Variants in FLRT1 observed in about 807,000 individuals in gnomAD.
FLRT1 encodes the protein fibronectin leucine rich transmembrane protein 1.
FLRT1 carries 14 observed loss-of-function variants against 30.9 expected under a neutral mutation model. The ratio of observed to expected loss-of-function variants is 0.45; its 90% CI spans 0.30 to 0.71. The LOEUF is 0.71. Among genes scored for constraint, FLRT1 ranks in the 30% least tolerant of loss-of-function variants. The pLI, the probability that FLRT1 is intolerant of heterozygous loss-of-function variation, is 0.08. For missense variants in FLRT1, 737 were observed against 949.2 expected (o/e 0.78, Z 2.94); for synonymous variants, 368 against 430.4 (o/e 0.85, Z 1.80).
At chr11:64,085,684 C>T (rs1340371812) in intron 1 of FLRT1, among the ~76,000 whole-genome samples, 4 of 152,274 alleles carry the variant, frequency 2.6e-5, no homozygotes, top group East Asian at 3.9e-4. Context: ...GGACGGTCAC[C>T]CACAGACAGG....
At chr11:64,115,726 C>T (rs2134613149) in intron 2 of FLRT1, among the ~76,000 whole-genome samples, 2 of 152,312 alleles carry the variant, frequency 1.3e-5, no homozygotes, top group Admixed American at 6.5e-5. Context: ...ATCCTGGGTC[C>T]GAGCCAGACA....
intron 1 of FLRT1, among the ~76,000 whole-genome samples, chr11:64,098,854 G>A (rs1263278744): frequency 2.6e-5 from 4 of 152,196 alleles, no homozygotes; most frequent in Non-Finnish European, 4.4e-5. Context: ...GCCCACCTGG[G>A]TTTCTAGCAG....
rs1943378593 is a variant in FLRT1, at chr11:64,036,267, G to A, written c.-1038+108G>A. The A allele has an allele frequency of 6.6e-6, 1 of 152,392 alleles. No individual in the cohort carries two copies. The highest frequency in any genetic ancestry group is 2.4e-5 in the African/African-American group (1 of 41,568). 9.4% of individuals were successfully genotyped at this position (152,392 alleles called of 1,614,324 possible). A position where few individuals can be genotyped will look rare whatever the true frequency, so the allele number is the denominator to read the frequency against. On this transcript the variant is annotated intron_variant, in intron 1 of 2. Transcript: ENST00000682287. This position sits in a 1 kb window ranked among gnomAD's most constrained non-coding sequence, Gnocchi z 5.6. ...CCCGGGGGCACCGAAGCGCCACGGG[G>A]TCAGGCAGCCTGGCTTTGCCCCAGA... is the stretch of plus-strand genomic sequence containing the variant.
intron 2 of FLRT1, among the ~76,000 whole-genome samples, chr11:64,104,554 G>A (rs931572864): frequency 1.3e-5 from 2 of 152,128 alleles, no homozygotes; most frequent in Non-Finnish European, 2.9e-5. Flanking sequence ...AGGCCTTGGC[G>A]GGGTGGTGGG....
At chr11:64,100,651 A>G (rs1026503808) in intron 1 of FLRT1, among the ~76,000 whole-genome samples, 1 of 152,154 alleles carries the variant, frequency 6.6e-6, no homozygotes, top group African/African-American at 2.4e-5. Flanking sequence ...GTGGCTACTA[A>G]TGATCATCAT....
rs756479687 is a variant in FLRT1 at position 64,064,873 on chromosome 11, CATTT to C, written c.-1038+28715_-1038+28718del. ...TCATTCATTCATTCATTCATTCATT[CATTT>C]GATGAGTGCTTCCAGAGCCCACCTA... On this transcript the variant is annotated intron_variant, in intron 1 of 2. Transcript: ENST00000682287. The surrounding 1 kb of genome is among the most constrained non-coding windows in gnomAD (Gnocchi z 4.5). Among the ~76,000 whole-genome samples, 2,048 of 144,802 alleles carry C rather than the reference CATTT, an allele frequency of 0.014. 47 individuals carry two copies. Among genetic ancestry groups the C allele is most frequent in the African/African-American group, 0.051 (1,925 of 37,486 alleles). 95.0% of individuals were successfully genotyped at this position (144,802 alleles called of 152,430 possible).
At chr11:64,108,731 G>A (rs1944808095) in intron 2 of FLRT1, among the ~76,000 whole-genome samples, 1 of 152,200 alleles carries the variant, frequency 6.6e-6, no homozygotes, top group Admixed American at 6.5e-5. Flanking sequence ...GTGAGGAATT[G>A]AAGGCATGGC....
At chr11:64,091,322 G>A (rs943115924) in intron 1 of FLRT1, among the ~76,000 whole-genome samples, 2 of 151,992 alleles carry the variant, frequency 1.3e-5, no homozygotes, top group East Asian at 1.9e-4. Context: ...ATTTCATCAC[G>A]TTTCATTTTC....
intron 1 of FLRT1, among the ~76,000 whole-genome samples, chr11:64,042,960 C>G (rs772953559): frequency 3.9e-5 from 6 of 152,244 alleles, no homozygotes; most frequent in Non-Finnish European, 7.3e-5. Context: ...GAGACACGCC[C>G]TGTCCAGTGC....
intron 1 of FLRT1, among the ~76,000 whole-genome samples, chr11:64,041,607 G>A (rs529870045): frequency 6.6e-6 from 1 of 152,014 alleles, no homozygotes; most frequent in Non-Finnish European, 1.5e-5. Flanking sequence ...GGAAAAAGGG[G>A]TGCAGCCAGG....
At chr11:64,054,925 C>G (rs541118978) in intron 1 of FLRT1, among the ~76,000 whole-genome samples, 16 of 152,290 alleles carry the variant, frequency 1.1e-4, no homozygotes, top group Admixed American at 5.2e-4. Context: ...CCCTCTTTCT[C>G]CCCTGCTCTT....
rs536887110 is a variant in FLRT1, at chr11:64,098,275, G to A, written c.-1037-4919G>A. 8.1e-4 allele frequency among the ~76,000 whole-genome samples: 124 copies of A among 152,228 alleles called. 1 individual carries two copies. Among genetic ancestry groups the A allele is most frequent in the African/African-American group, 2.7e-3 (113 of 41,536 alleles). On this transcript the variant is annotated intron_variant, in intron 1 of 2. Transcript: ENST00000682287. ...AGAGCGCCCCTAAGGCCAGGCTCCG[G>A]GCCCTGCTTCAGCTCGGATCACGGC... is the stretch of plus-strand genomic sequence containing the variant.
rs1945036571 is a variant in FLRT1 at position 64,118,391 on chromosome 11, A to G, written c.*99A>G. 7.3e-7 allele frequency: 1 copy of G among 1,372,766 alleles called. No homozygotes were observed. Among genetic ancestry groups the G allele is most frequent in the African/African-American group, 1.4e-5 (1 of 69,460 alleles). 85.0% of individuals were successfully genotyped at this position (1,372,766 alleles called of 1,614,324 possible). ...TGCAATCCAAGAGAGCAAGGAAGAG[A>G]AATTCCATGGGTGACTTTCCTCCGC... is the stretch of plus-strand genomic sequence containing the variant. On this transcript the variant is annotated 3_prime_UTR_variant, in exon 3 of 3. Transcript: ENST00000682287.
At chr11:64,114,498 T>G (rs1372467552) in intron 2 of FLRT1, among the ~76,000 whole-genome samples, 1 of 149,644 alleles carries the variant, frequency 6.7e-6, no homozygotes. Context: ...AATGGATGGA[T>G]GGATGGATGA....
At chr11:64,078,678 G>A (rs1348300349) in intron 1 of FLRT1, among the ~76,000 whole-genome samples, 1 of 152,174 alleles carries the variant, frequency 6.6e-6, no homozygotes, top group African/African-American at 2.4e-5. Context: ...TCTTCACCGA[G>A]CTTTGAGGTG....
chr11:64,065,436 A>C (rs1221795317), intron 1 of FLRT1, among the ~76,000 whole-genome samples: 3 of 152,124 alleles, frequency 2.0e-5, no homozygotes, highest in Non-Finnish European at 4.4e-5. Context: ...CAGAACATTT[A>C]CTGAGGCTCC....
chr11:64,105,518 C>T (rs1455642723), intron 2 of FLRT1, among the ~76,000 whole-genome samples: 1 of 152,212 alleles, frequency 6.6e-6, no homozygotes, highest in Admixed American at 6.5e-5. Flanking sequence ...CCTGTCCCCT[C>T]CACACAGGCT....
chr11:64,082,528 G>A lies in FLRT1; in HGVS notation c.-1037-20666G>A, dbSNP rs78054537. The stretch of plus-strand genomic sequence containing the variant: ...GTGAAACAAGGCTCGGTGCCTAACG[G>A]TGGTGGCCGTGGGAGTCAGAGCTCC... On this transcript the variant is annotated intron_variant, in intron 1 of 2. Coordinates refer to ENST00000682287, the MANE Select transcript of FLRT1 (RefSeq NM_013280.5). The surrounding 1 kb of genome is among the most constrained non-coding windows in gnomAD (Gnocchi z 4.5). Among the ~76,000 whole-genome samples the A allele has an allele frequency of 1.3e-3, 196 of 152,228 alleles. 3 individuals carry two copies. The East Asian group carries it at 0.028, about 22-fold the overall frequency.
intron 1 of FLRT1, among the ~76,000 whole-genome samples, chr11:64,073,963 G>C (rs1320277899): frequency 6.6e-6 from 1 of 152,120 alleles, no homozygotes; most frequent in Non-Finnish European, 1.5e-5. Flanking sequence ...TGAGCCCCCA[G>C]GGTGCTTTGG....
Sources: gnomAD v4.1 joint callset for allele counts (sites outside exome capture counted in the v4.1 genomes callset) on GRCh38, gnomAD v4.1.1 for gene constraint, Gnocchi (gnomAD v3.1) non-coding constraint, MANE v1.5 for transcripts, NCBI Gene and HGNC (gene_info 2026-07-23, HGNC 2026-07-21) for gene names.